CDH23: variants seen among roughly 807,000 people sequenced by gnomAD.
The protein encoded by CDH23 is cadherin-23.
Under a neutral mutation model 317.1 loss-of-function variants are expected in CDH23, and 189 were observed. The ratio of observed to expected loss-of-function variants is 0.60; its 90% CI spans 0.53 to 0.67. The LOEUF (loss-of-function observed/expected upper bound fraction) is 0.67. Among genes scored for constraint, CDH23 ranks in the 30% least tolerant of loss-of-function variants. The pLI is 0.00. For missense variants in CDH23, 4,401 were observed against 4,592.4 expected (o/e 0.96, Z 1.20); for synonymous variants, 1,839 against 1,876.8 (o/e 0.98, Z 0.52).
intron 32 of CDH23, among the ~76,000 whole-genome samples, chr10:71,733,689 G>C (rs2132829640): frequency 6.6e-6 from 1 of 152,300 alleles, no homozygotes; most frequent in African/African-American, 2.4e-5. Context: ...CATAAATGCT[G>C]GGCTTCATTG....
chr10:71,426,013 T>C (rs1353739358), intron 1 of CDH23, among the ~76,000 whole-genome samples: 1 of 152,128 alleles, frequency 6.6e-6, no homozygotes, highest in African/African-American at 2.4e-5. Context: ...CTTGTGAACC[T>C]TTCTATTGAC....
At position 71,574,612 on chromosome 10, in the gene CDH23, T is replaced by C. The variant is rs1858050390; in HGVS notation, c.754-3302T>C. Among the ~76,000 whole-genome samples the C allele has an allele frequency of 3.9e-5, 6 of 152,110 alleles. No homozygotes were observed. The South Asian group carries it at 1.2e-3, about 32-fold the overall frequency. Reference sequence around the variant, plus strand: ...CCTTAATCCCGTCATGGAAATGGGGTAGGGGGTGTCCCGGCTGAGCTTGCT... The same window carrying C: ...CCTTAATCCCGTCATGGAAATGGGGCAGGGGGTGTCCCGGCTGAGCTTGCT... On this transcript the variant is annotated intron_variant, in intron 8 of 69. Coordinates refer to ENST00000224721, the MANE Select transcript of CDH23 (RefSeq NM_022124.6).
chr10:71,646,673 G>A (rs1246941914), intron 14 of CDH23, 56 bp downstream of exon 14: 4 of 1,613,864 alleles, frequency 2.5e-6, no homozygotes, highest in Non-Finnish European at 3.4e-6. Flanking sequence ...ACTGTGGTGA[G>A]GCACCCAGAG....
chr10:71,446,228 C>A (rs1233888654), intron 2 of CDH23, 90 bp from the exon 3 acceptor site: 2 of 1,221,716 alleles, frequency 1.6e-6, no homozygotes, highest in Non-Finnish European at 1.2e-6. Context: ...AGGCTCAGTG[C>A]CCACTGCAGC....
chr10:71,501,153 G>A (rs1424393297), intron 3 of CDH23, among the ~76,000 whole-genome samples: 1 of 152,188 alleles, frequency 6.6e-6, no homozygotes, highest in African/African-American at 2.4e-5. Flanking sequence ...CAAGGCGTGA[G>A]GCACTGCACC....
Position 71,779,424 on chromosome 10 carries a change from G to A in CDH23, c.5345G>A (p.Ser1782Asn), listed in dbSNP as rs774297770. The A allele has an allele frequency of 1.2e-6, 2 of 1,609,588 alleles. No individual in the cohort carries two copies. Among genetic ancestry groups the A allele is most frequent in the South Asian group, 1.1e-5 (1 of 90,956 alleles). ...DSGPNGQVEY[S>N]IMDGDPLGEF... ...GGACCCAACGGGCAGGTGGAGTACA[G>A]CATCATGGATGGAGACCCTCTGGGT... The change falls in exon 41 of 70, where the codon AGC becomes AAC. Residue 1782 changes from serine (S) to asparagine (N), a missense_variant. Physicochemically the swap from Ser to Asn is conservative, Grantham distance 46. Around this residue, in one of 3 missense-constraint regions of CDH23, gnomAD observed 3,068 missense variants for 3,203.3 expected, o/e 0.96. Coordinates refer to ENST00000224721, the MANE Select transcript of CDH23 (RefSeq NM_022124.6).
intron 22 of CDH23, 94 bp downstream of exon 22, chr10:71,695,619 G>A (rs1589344246): frequency 4.8e-6 from 4 of 837,200 alleles, no homozygotes; most frequent in Admixed American, 2.0e-5. Flanking sequence ...CCCCTATGGG[G>A]CTGGTGGACT....
chr10:71,635,626 G>T (rs1392789295), intron 11 of CDH23, among the ~76,000 whole-genome samples: 3 of 151,786 alleles, frequency 2.0e-5, no homozygotes, highest in Admixed American at 2.0e-4. Flanking sequence ...GGGCAGAGAG[G>T]CAGGGCAAGA....
chr10:71,815,932 TA>T lies in CDH23; in HGVS notation c.*656del, dbSNP rs1214830098. 3 of 159,370 alleles carry T rather than the reference TA, an allele frequency of 1.9e-5. No homozygotes were observed. The highest frequency in any genetic ancestry group is 2.8e-5 in the Non-Finnish European group (2 of 71,660). The allele number at this position is 159,370 out of a possible 1,614,324, so 9.9% of individuals were successfully genotyped here. The stretch of plus-strand genomic sequence containing the variant: ...GTTTGTGTGTGTTCCTTTTTTAAAT[TA>T]AGTTATTCCCTCAATAGTTTCCCCT... On this transcript the variant is annotated 3_prime_UTR_variant, in exon 70 of 70. Coordinates refer to ENST00000224721, the MANE Select transcript of CDH23 (RefSeq NM_022124.6).
chr10:71,704,975 T>A lies in CDH23; in HGVS notation c.2798T>A (p.Met933Lys), dbSNP rs1865724435. 1 of 1,612,792 alleles carries A rather than the reference T, an allele frequency of 6.2e-7. No individual in the cohort carries two copies. Among genetic ancestry groups the A allele is most frequent in the East Asian group, 2.2e-5 (1 of 44,844 alleles). Reference protein sequence around the residue: ...GLVSYRMPVGMPRMDFLINSS... With the variant: ...GLVSYRMPVGKPRMDFLINSS... ...GTGTCCTACCGCATGCCGGTGGGCA[T>A]GCCCCGCATGGACTTCCTCATCAAC... Residue 933 changes from methionine to lysine, a missense_variant, in exon 25 of 70, where the codon ATG becomes AAG. By Grantham distance (95) the Met-to-Lys change is moderately conservative (BLOSUM62 -1). Transcript: ENST00000224721.
At chr10:71,766,641 C>T (rs919418300) in intron 38 of CDH23, among the ~76,000 whole-genome samples, 1 of 152,178 alleles carries the variant, frequency 6.6e-6, no homozygotes, top group African/African-American at 2.4e-5. Context: ...ATGTGCTAGG[C>T]TCTTGCTGAG....
At chr10:71,556,032 C>T (rs1205638177) in intron 6 of CDH23, among the ~76,000 whole-genome samples, 4 of 152,120 alleles carry the variant, frequency 2.6e-5, no homozygotes, top group Admixed American at 1.3e-4. Context: ...CAAAGGAAGG[C>T]AGGTCAAAAA....
intron 38 of CDH23, among the ~76,000 whole-genome samples, chr10:71,771,509 G>T (rs2132912595): frequency 6.6e-6 from 1 of 152,318 alleles, no homozygotes; most frequent in South Asian, 2.1e-4. Context: ...CTGCAACCAG[G>T]CCTCCCATCT....
chr10:71,544,619 C>T (rs1254170182), intron 6 of CDH23, among the ~76,000 whole-genome samples: 2 of 152,224 alleles, frequency 1.3e-5, no homozygotes, highest in African/African-American at 2.4e-5. Context: ...AGCATACCTA[C>T]ACCAGGCCCG....
At chr10:71,765,779 T>C (rs1405345958) in intron 38 of CDH23, among the ~76,000 whole-genome samples, 1 of 151,988 alleles carries the variant, frequency 6.6e-6, no homozygotes, top group Non-Finnish European at 1.5e-5. Flanking sequence ...GTTCCCCTTT[T>C]AGAAAAAAGC....
At chr10:71,667,685 A>G (rs368419867) in intron 14 of CDH23, among the ~76,000 whole-genome samples, 3 of 152,204 alleles carry the variant, frequency 2.0e-5, no homozygotes, top group African/African-American at 7.2e-5. Flanking sequence ...GGGCAAATCA[A>G]TGGAAAAGGG....
chr10:71,768,694 G>A (rs1840615555), intron 38 of CDH23, among the ~76,000 whole-genome samples: 1 of 151,406 alleles, frequency 6.6e-6, no homozygotes, highest in Admixed American at 6.6e-5. Flanking sequence ...CTGGTCCCCT[G>A]GCTTGAAACT....
At chr10:71,799,712 T>C (rs1841505308) in intron 52 of CDH23, 83 bp downstream of exon 52, 6 of 1,583,368 alleles carry the variant, frequency 3.8e-6, no homozygotes, top group African/African-American at 1.3e-5. Context: ...AGTATTGTAG[T>C]AATCCCTCTG....
chr10:71,764,329 G>A (rs780807899), intron 38 of CDH23, among the ~76,000 whole-genome samples: 9 of 152,108 alleles, frequency 5.9e-5, no homozygotes, highest in East Asian at 5.8e-4. Flanking sequence ...GAGAACTTAC[G>A]TAACTCACTG....
Sources: allele counts gnomAD v4.1 joint callset (sites outside exome capture counted in the v4.1 genomes callset), GRCh38; gene constraint gnomAD v4.1.1; regional missense constraint gnomAD v4.1.1; transcripts MANE v1.5; gene names NCBI Gene and HGNC (gene_info 2026-07-23, HGNC 2026-07-21).